Variants in TM2D2 observed in about 807,000 individuals in gnomAD.
TM2D2 encodes TM2 domain-containing protein 2.
TM2D2 carries 19 observed loss-of-function variants against 23.0 expected under a neutral mutation model. The observed-to-expected ratio is 0.82, with a 90% CI of 0.58 to 1.21. The LOEUF (loss-of-function observed/expected upper bound fraction) is 1.21. Ranked by LOEUF, TM2D2 falls within the 50% of genes most tolerant of loss-of-function variation. The probability of loss-of-function intolerance (pLI) is 0.00; values close to 1 mark genes in which losing one functional copy is unlikely to be tolerated. For missense variants in TM2D2, 246 were observed against 265.4 expected (o/e 0.93, Z 0.51); for synonymous variants, 120 against 108.8 (o/e 1.10, Z -0.64).
rs878953787 is a variant in TM2D2, at chr8:38,993,780, G to A, written c.316-120C>T. On this transcript the variant is annotated intron_variant, in intron 2 of 3. Transcript: ENST00000456397. ...TCAGGACTACAATTATTCCAACAAG[G>A]TTGAGGTACAGCTGTGCTCAAGGGC... The A allele has an allele frequency of 6.1e-6, 4 of 659,772 alleles. No homozygotes were observed. In the South Asian group the frequency reaches 7.4e-5, roughly 12 times the overall value. 40.9% of individuals were successfully genotyped at this position (659,772 alleles called of 1,614,324 possible).
At chr8:38,996,863 C>A, upstream of TM2D2, 1 of 1,458,274 alleles carries the variant, frequency 6.9e-7, no homozygotes, top group Non-Finnish European at 9.0e-7. Context: ...CCTACGTCAG[C>A]GCAGCTAGGC....
chr8:38,991,523 T>A lies in TM2D2; in HGVS notation c.454A>T (p.Thr152Ser), dbSNP rs374889594. Residue 152 changes from threonine (T) to serine (S), a missense_variant, in exon 4 of 4, where the codon ACC (threonine) becomes TCC (serine). Thr to Ser is a moderately conservative substitution (Grantham distance 58). Coordinates refer to ENST00000456397, the MANE Select transcript of TM2D2 (RefSeq NM_078473.3). ...CIKYTGHYFITTLLYSFFLGC... is the reference protein window; with the variant it reads ...CIKYTGHYFISTLLYSFFLGC... ...AGGAAGAAGGAGTAGAGTAAAGTGG[T>A]TATGAAGTAGTGTCCGGTATACCTA... The A allele has an allele frequency of 2.5e-6, 4 of 1,613,936 alleles. No homozygotes were observed. Among genetic ancestry groups the A allele is most frequent in the Non-Finnish European group, 3.4e-6 (4 of 1,179,798 alleles).
chr8:38,993,568 T>G lies in TM2D2; in HGVS notation c.408A>C (p.Leu136=). The G allele has an allele frequency of 6.2e-7, 1 of 1,613,536 alleles. No individual in the cohort carries two copies. Among genetic ancestry groups the G allele is most frequent in the Non-Finnish European group, 8.5e-7 (1 of 1,179,554 alleles). The change falls in exon 3 of 4, where the codon CTA becomes CTC. Residue 136 remains leucine (L), a synonymous_variant. Coordinates refer to ENST00000456397, the MANE Select transcript of TM2D2 (RefSeq NM_078473.3). Reference sequence around the variant, plus strand: ...ACTTTATACAAGGTTTATTTTCTCGTAGAAAGGTCCTAGGACTGGCACACT... The same window carrying G: ...ACTTTATACAAGGTTTATTTTCTCGGAGAAAGGTCCTAGGACTGGCACACT... ...GIECASPRTF[L]RENKPCIKYT... is the part of the protein sequence containing the mutation.
intron 3 of TM2D2, 148 bp downstream of exon 3, chr8:38,993,397 G>A (rs561440379): frequency 1.0e-5 from 5 of 495,152 alleles, no homozygotes; most frequent in South Asian, 4.6e-5. Context: ...TCCAGGCTGC[G>A]ATAAGCCATG....
rs1835730289 is a variant in TM2D2 at position 38,995,353 on chromosome 8, T to C, written c.280A>G (p.Thr94Ala). The change falls in exon 2 of 4, where the codon ACT (threonine) becomes GCT (alanine). Residue 94 changes from threonine to alanine, a missense_variant. By Grantham distance (58) the Thr-to-Ala change is moderately conservative (BLOSUM62 0). Coordinates refer to ENST00000456397, the MANE Select transcript of TM2D2 (RefSeq NM_078473.3). Reference sequence around the variant, plus strand: ...CCATAACCAAGTTCCTGGGATGCAGTTGCATTTCCAACATGATCCACTGGG... The same window carrying C: ...CCATAACCAAGTTCCTGGGATGCAGCTGCATTTCCAACATGATCCACTGGG... Reference protein sequence around the residue: ...EDPVDHVGNATASQELGYGCL... With the variant: ...EDPVDHVGNAAASQELGYGCL... The C allele has an allele frequency of 5.0e-6, 8 of 1,605,578 alleles. No individual in the cohort carries two copies. The highest frequency in any genetic ancestry group is 4.5e-5 in the South Asian group (4 of 89,460).
Position 38,996,327 on chromosome 8 carries a change from G to C in TM2D2, c.113C>G (p.Ala38Gly). 6.2e-7 allele frequency: 1 copy of C among 1,614,142 alleles called. No individual in the cohort carries two copies. Among genetic ancestry groups the C allele is most frequent in the Non-Finnish European group, 8.5e-7 (1 of 1,180,026 alleles). The change falls in exon 1 of 4, where the codon GCG becomes GGG. Residue 38 changes from alanine (A) to glycine (G), a missense_variant. Ala to Gly is a moderately conservative substitution (Grantham distance 60, BLOSUM62 0). Transcript: ENST00000456397. ...GGATGTGAGCTCAGGCTCAGCGGTC[G>C]CATTTTGCGAGTGGCTCCGAGACAC... Reference protein sequence around the residue: ...HCVSRSHSQNATAEPELTSAG... With the variant: ...HCVSRSHSQNGTAEPELTSAG...
At chr8:38,993,776 C>T (rs1835675646) in intron 2 of TM2D2, 116 bp from the exon 3 acceptor site, 2 of 691,784 alleles carry the variant, frequency 2.9e-6, no homozygotes, top group Admixed American at 5.0e-5. Flanking sequence ...ATTATTCCAA[C>T]AAGGTTGAGG....
chr8:38,993,497 C>G (rs754470348), intron 3 of TM2D2, 48 bp downstream of exon 3: 1 of 1,372,946 alleles, frequency 7.3e-7, no homozygotes, highest in Non-Finnish European at 1.0e-6. Context: ...AGGAAAATGG[C>G]TCTACCTCCA....
upstream of TM2D2, chr8:38,996,699 G>T (rs966147083): frequency 4.9e-6 from 7 of 1,421,696 alleles, no homozygotes; most frequent in Non-Finnish European, 6.4e-6. Context: ...CTTCTTTTGC[G>T]CCGAATGCGT....
At chr8:38,994,829 C>T (rs1835706064) in intron 2 of TM2D2, among the ~76,000 whole-genome samples, 2 of 151,570 alleles carry the variant, frequency 1.3e-5, no homozygotes, top group South Asian at 4.1e-4. Context: ...CTTTAATGTC[C>T]TACAAAGACA....
chr8:38,995,339 T>C lies in TM2D2; in HGVS notation c.294A>G (p.Glu98=). Residue 98 remains glutamate, a synonymous_variant, in exon 2 of 4, where the codon GAA becomes GAG. Coordinates refer to ENST00000456397, the MANE Select transcript of TM2D2 (RefSeq NM_078473.3). ...DHVGNATASQ[E]LGYGCLKFGG... is the part of the protein sequence containing the mutation. ...TCACCTTGAGACAACCATAACCAAG[T>C]TCCTGGGATGCAGTTGCATTTCCAA... 2 of 1,601,024 alleles carry C rather than the reference T, an allele frequency of 1.2e-6. No homozygotes were observed. Among genetic ancestry groups the C allele is most frequent in the African/African-American group, 2.7e-5 (2 of 73,946 alleles).
intron 1 of TM2D2, 125 bp downstream of exon 1, chr8:38,996,088 C>T (rs888605303): frequency 9.4e-6 from 11 of 1,173,962 alleles, no homozygotes; most frequent in Non-Finnish European, 1.3e-5. Flanking sequence ...TATTTGCCTC[C>T]GGAACGACCT....
chr8:38,995,410 A>G lies in TM2D2; in HGVS notation c.228-5T>C. On this transcript the variant is annotated splice_region_variant and splice_polypyrimidine_tract_variant and intron_variant, in intron 1 of 3. Coordinates refer to ENST00000456397, the MANE Select transcript of TM2D2 (RefSeq NM_078473.3). The stretch of plus-strand genomic sequence containing the variant: ...CATTCTATAAATTCATCAGGTCTGT[A>G]ATTCACCAGTAAGATCATGATCATC... 6.2e-7 allele frequency: 1 copy of G among 1,612,614 alleles called. No homozygotes were observed. Among genetic ancestry groups the G allele is most frequent in the Non-Finnish European group, 8.5e-7 (1 of 1,179,506 alleles).
chr8:38,996,369 A>G lies in TM2D2; in HGVS notation c.71T>C (p.Leu24Ser). 6.2e-7 allele frequency: 1 copy of G among 1,614,218 alleles called. No homozygotes were observed. Among genetic ancestry groups the G allele is most frequent in the South Asian group, 1.1e-5 (1 of 91,084 alleles). Residue 24 changes from leucine (L) to serine (S), a missense_variant, in exon 1 of 4, where the codon TTA becomes TCA. Physicochemically the swap from Leu to Ser is moderately radical, Grantham distance 145. Coordinates refer to ENST00000456397, the MANE Select transcript of TM2D2 (RefSeq NM_078473.3). ...CGQAALLLGN[L>S]LLLHCVSRSH... ...CCGAGACACACAATGCAGCAGAAGT[A>G]AATTCCCCAGCAGCAAAGCCGCCTG... is the stretch of plus-strand genomic sequence containing the variant.
At position 38,993,625 on chromosome 8, in the gene TM2D2, AGT is replaced by A. The variant is rs1588302953; in HGVS notation, c.349_350del (p.Thr117PhefsTer11). ...CATCTAAGGCATGGCACTGGACTGA[AGT>A]GTGTTCCACGTCGCTGTAGGCCTGA... ...GGQAYSDVEHTSVQCHALDGI... is the reference protein window; with the variant it reads ...GGQAYSDVEHXSVQCHALDGI... On this transcript the variant is annotated frameshift_variant, in exon 3 of 4. Transcript: ENST00000456397. LOFTEE classifies it high-confidence loss of function. 6.2e-7 allele frequency: 1 copy of A among 1,613,918 alleles called. No individual in the cohort carries two copies. Among genetic ancestry groups the A allele is most frequent in the Non-Finnish European group, 8.5e-7 (1 of 1,179,830 alleles).
rs769457120 is a variant in TM2D2, at chr8:38,991,504, A to G, written c.473T>C (p.Phe158Ser). ...HYFITTLLYS[F>S]FLGCFGVDRF... ...ATCCACACCAAAACATCCCAGGAAGAAGGAGTAGAGTAAAGTGGTTATGAA... is the reference window on the plus strand; with the variant it reads ...ATCCACACCAAAACATCCCAGGAAGGAGGAGTAGAGTAAAGTGGTTATGAA... The change falls in exon 4 of 4, where the codon TTC becomes TCC. Residue 158 changes from phenylalanine (F) to serine (S), a missense_variant. This residue lies in a region of TM2D2 where 212 missense variants were observed against 202.2 expected (regional missense o/e 1.05). Transcript: ENST00000456397. 12 of 1,614,194 alleles carry G rather than the reference A, an allele frequency of 7.4e-6. No individual in the cohort carries two copies. Among genetic ancestry groups the G allele is most frequent in the East Asian group, 2.2e-5 (1 of 44,890 alleles).
Position 38,996,265 on chromosome 8 carries a change from C to T in TM2D2, c.175G>A (p.Ala59Thr). 6.2e-7 allele frequency: 1 copy of T among 1,613,964 alleles called. No homozygotes were observed. Among genetic ancestry groups the T allele is most frequent in the Non-Finnish European group, 8.5e-7 (1 of 1,179,996 alleles). Residue 59 changes from alanine (A) to threonine (T), a missense_variant, in exon 1 of 4, where the codon GCG (alanine) becomes ACG (threonine). Around this residue, in one of 2 missense-constraint regions of TM2D2, gnomAD observed 212 missense variants for 202.2 expected, o/e 1.05. Transcript: ENST00000456397. ...TGGGGGTCGCCATATTCCCAGCTCG[C>T]AGCACCCCCGGGGCCCTCCGGCTGG... ...AAQPEGPGGAASWEYGDPHSP... is the reference protein window; with the variant it reads ...AAQPEGPGGATSWEYGDPHSP...
At chr8:38,993,953 G>A (rs892866311) in intron 2 of TM2D2, 1 of 209,718 alleles carries the variant, frequency 4.8e-6, no homozygotes, top group Non-Finnish European at 9.7e-6. Flanking sequence ...CCATTTAGAA[G>A]AGATGAACAC....
intron 1 of TM2D2, chr8:38,995,713 C>CA: frequency 7.7e-7 from 1 of 1,307,062 alleles, no homozygotes; most frequent in Non-Finnish European, 9.7e-7. Flanking sequence ...AAATTTAAGC[C>CA]AAAGTATTCT....
Sources: allele counts gnomAD v4.1 joint callset (sites outside exome capture counted in the v4.1 genomes callset), GRCh38; gene constraint gnomAD v4.1.1; regional missense constraint gnomAD v4.1.1; transcripts MANE v1.5; gene names NCBI Gene and HGNC (gene_info 2026-07-23, HGNC 2026-07-21).